CSMD1: variants seen among roughly 807,000 people sequenced by gnomAD.
The protein encoded by CSMD1 is CUB and Sushi multiple domains 1.
In CSMD1, 213 loss-of-function variants were observed where a neutral mutation model predicts 417.5. That is an observed-to-expected ratio of 0.51 (90% confidence interval 0.46 to 0.57). CSMD1 has a LOEUF of 0.57. Ranked by LOEUF, CSMD1 falls within the 20% of genes least tolerant of loss-of-function variation. The pLI is 0.00. For missense variants in CSMD1, 6,923 were observed against 4,529.7 expected, an observed-to-expected ratio of 1.53 and a Z score of -15.17; for synonymous variants, 2,862 against 1,736.8, an observed-to-expected ratio of 1.65 and a Z score of -16.11.
intron 23 of CSMD1, among the ~76,000 whole-genome samples, chr8:3,323,933 C>CT (rs1554515023): frequency 1.0e-5 from 1 of 98,628 alleles, no homozygotes; most frequent in Non-Finnish European, 1.9e-5. Context: ...ACACATCTAA[C>CT]CCCAGAGACC....
chr8:3,900,273 G>C (rs1396369579), intron 5 of CSMD1, among the ~76,000 whole-genome samples: 1 of 149,974 alleles, frequency 6.7e-6, no homozygotes, highest in African/African-American at 2.5e-5. Context: ...CAGCACAGCT[G>C]CGTGACAGTG....
intron 6 of CSMD1, among the ~76,000 whole-genome samples, chr8:3,718,043 C>T (rs1005859189): frequency 1.3e-5 from 2 of 152,124 alleles, no homozygotes; most frequent in Non-Finnish European, 2.9e-5. Flanking sequence ...TGTTTTAGTA[C>T]ATAAAAGAAA....
intron 1 of CSMD1, among the ~76,000 whole-genome samples, chr8:4,704,424 G>A (rs201307058): frequency 2.0e-5 from 3 of 152,140 alleles, no homozygotes; most frequent in South Asian, 2.1e-4. Flanking sequence ...TGTGGTGTCT[G>A]GCAGAGACTA....
At chr8:4,838,250 A>G (rs1368214273) in intron 1 of CSMD1, among the ~76,000 whole-genome samples, 3 of 152,182 alleles carry the variant, frequency 2.0e-5, no homozygotes, top group Admixed American at 6.5e-5. Context: ...TTATTCACTT[A>G]TTGACTGAGC....
At chr8:4,426,772 A>G (rs1337557027) in intron 2 of CSMD1, among the ~76,000 whole-genome samples, 2 of 148,076 alleles carry the variant, frequency 1.4e-5, no homozygotes, top group African/African-American at 2.4e-5. Flanking sequence ...TTTATATTAC[A>G]ATACAGATGA....
At chr8:3,875,720 G>C (rs1805770788) in intron 5 of CSMD1, among the ~76,000 whole-genome samples, 1 of 152,164 alleles carries the variant, frequency 6.6e-6, no homozygotes, top group African/African-American at 2.4e-5. Flanking sequence ...TTCTCGAGTG[G>C]ATTGAGGAAA....
intron 3 of CSMD1, among the ~76,000 whole-genome samples, chr8:4,156,155 C>G (rs1796822081): frequency 6.6e-6 from 1 of 152,132 alleles, no homozygotes; most frequent in South Asian, 2.1e-4. Context: ...CACCCAGAGG[C>G]AATTCGTTGT....
intron 3 of CSMD1, among the ~76,000 whole-genome samples, chr8:4,285,045 A>G (rs1051956684): frequency 6.6e-6 from 1 of 152,200 alleles, no homozygotes; most frequent in South Asian, 2.1e-4. Context: ...AAACTGTTGT[A>G]AGCATAACAC....
intron 1 of CSMD1, among the ~76,000 whole-genome samples, chr8:4,922,255 C>T (rs931369495): frequency 2.0e-5 from 3 of 152,044 alleles, no homozygotes; most frequent in Non-Finnish European, 4.4e-5. Context: ...GCAGATGATA[C>T]GTACACTGAA....
At chr8:4,377,203 G>C (rs1021227560) in intron 3 of CSMD1, among the ~76,000 whole-genome samples, 1 of 152,174 alleles carries the variant, frequency 6.6e-6, no homozygotes. Flanking sequence ...TTTTGGAAGG[G>C]CTGAGAGCGC....
intron 1 of CSMD1, among the ~76,000 whole-genome samples, chr8:4,991,996 C>T (rs904084764): frequency 1.3e-5 from 2 of 152,216 alleles, no homozygotes; most frequent in Admixed American, 6.5e-5. Flanking sequence ...CGCGCACACA[C>T]TTGCGCACAG....
At chr8:3,155,408 C>T (rs1214514972) in intron 39 of CSMD1, among the ~76,000 whole-genome samples, 12 of 63,176 alleles carry the variant, frequency 1.9e-4, no homozygotes, top group Non-Finnish European at 4.1e-4. Context: ...CGCTCTGTCA[C>T]CCAGGATGGA....
At chr8:3,954,748 C>G (rs2129916611) in intron 5 of CSMD1, among the ~76,000 whole-genome samples, 1 of 151,900 alleles carries the variant, frequency 6.6e-6, no homozygotes, top group Non-Finnish European at 1.5e-5. Flanking sequence ...CCTCCTTGCC[C>G]CTCAGAACTG....
chr8:4,040,570 A>T (rs1188807892), intron 3 of CSMD1, among the ~76,000 whole-genome samples: 1 of 152,228 alleles, frequency 6.6e-6, no homozygotes, highest in Non-Finnish European at 1.5e-5. Context: ...GGTGTTCACA[A>T]TGGAGGTTAG....
rs549007039 is a variant in CSMD1 at position 3,421,805 on chromosome 8, T to G, written c.1562-12200A>C. ...GGTGCATGACACCATGCCCAGGTAA[T>G]TCTTGTATTTTTCGTACAGACAGGG... On this transcript the variant is annotated intron_variant, in intron 12 of 69. Transcript: ENST00000635120. Among the ~76,000 whole-genome samples the G allele has an allele frequency of 6.6e-5, 10 of 152,248 alleles. No individual in the cohort carries two copies. The East Asian group carries it at 1.9e-3, about 29-fold the overall frequency.
chr8:4,709,288 G>A (rs1429781794), intron 1 of CSMD1, among the ~76,000 whole-genome samples: 1 of 152,180 alleles, frequency 6.6e-6, no homozygotes, highest in Admixed American at 6.5e-5. Context: ...CTAACTGCAG[G>A]TAGAAGGAGG....
At chr8:3,641,649 C>T (rs571178538) in intron 7 of CSMD1, among the ~76,000 whole-genome samples, 43 of 152,230 alleles carry the variant, frequency 2.8e-4, no homozygotes, top group African/African-American at 7.9e-4. Flanking sequence ...TTTATAGTCA[C>T]GTAGGAATTT....
rs144534513 is a variant in CSMD1, at chr8:4,551,608, A to C, written c.302+85734T>G. 9.7e-3 allele frequency among the ~76,000 whole-genome samples: 1,478 copies of C among 152,250 alleles called. 30 individuals carry two copies. The highest frequency in any genetic ancestry group is 0.034 in the African/African-American group (1,393 of 41,546). On this transcript the variant is annotated intron_variant, in intron 2 of 69. Coordinates refer to ENST00000635120, the MANE Select transcript of CSMD1 (RefSeq NM_033225.6). ...CCCCACACTCAAGATGCTGCCATCA[A>C]ATCCAGGCTTCTCAGTTTAACATAC...
intron 23 of CSMD1, among the ~76,000 whole-genome samples, chr8:3,328,156 C>G (rs116317859): frequency 4.2e-4 from 64 of 152,380 alleles, no homozygotes; most frequent in African/African-American, 1.5e-3. Flanking sequence ...CTTACTTTCC[C>G]TAAACCTGGT....
Sources: allele counts gnomAD v4.1 joint callset (sites outside exome capture counted in the v4.1 genomes callset), GRCh38; gene constraint gnomAD v4.1.1; transcripts MANE v1.5; gene names NCBI Gene and HGNC (gene_info 2026-07-23, HGNC 2026-07-21).